The following CDH13 variants were observed in gnomAD, a reference collection of about 807,000 sequenced individuals.
The protein encoded by CDH13 is cadherin 13, also known as cadherin-13.
In CDH13, 24 loss-of-function variants were observed where a neutral mutation model predicts 63.8. The observed-to-expected ratio is 0.38, with a 90% CI of 0.27 to 0.53. The LOEUF (loss-of-function observed/expected upper bound fraction) is 0.53, where lower values mean the gene tolerates loss of function less well. CDH13 is among the 20% of genes least tolerant of loss of function. The pLI is 0.85. For missense variants in CDH13, 1,049 were observed against 903.1 expected (o/e 1.16, Z -2.07); for synonymous variants, 503 against 355.3 (o/e 1.42, Z -4.67).
In CDH13 at chr16:83,062,567, A is replaced by G. The variant is rs539963746; in HGVS notation, c.366+30349A>G. ...GGATGGAAGTTCAGTTTTCTTCTCTATGTAACAGGAAGCAAGGAAGTGATC... is the reference window on the plus strand; with the variant it reads ...GGATGGAAGTTCAGTTTTCTTCTCTGTGTAACAGGAAGCAAGGAAGTGATC... On this transcript the variant is annotated intron_variant, in intron 3 of 13. Coordinates refer to ENST00000567109, the MANE Select transcript of CDH13 (RefSeq NM_001257.5). 5.9e-5 allele frequency among the ~76,000 whole-genome samples: 9 copies of G among 152,292 alleles called. No homozygotes were observed. In the South Asian group the frequency reaches 1.9e-3, roughly 32 times the overall value.
chr16:83,164,045 G>A (rs997770182), intron 4 of CDH13, among the ~76,000 whole-genome samples: 6 of 151,978 alleles, frequency 3.9e-5, no homozygotes, highest in African/African-American at 1.2e-4. Flanking sequence ...AGACATAGTT[G>A]TTATCTGTGT....
intron 2 of CDH13, among the ~76,000 whole-genome samples, chr16:82,918,439 T>C (rs1444422502): frequency 1.3e-5 from 2 of 152,102 alleles, no homozygotes; most frequent in African/African-American, 4.8e-5. Flanking sequence ...GTCTGGTTAT[T>C]TATTTCTGTG....
intron 6 of CDH13, among the ~76,000 whole-genome samples, chr16:83,356,758 G>C (rs2091064822): frequency 6.6e-6 from 1 of 152,142 alleles, no homozygotes; most frequent in African/African-American, 2.4e-5. Context: ...TCCCTTTCAA[G>C]TATATGTCTT....
At chr16:83,400,360 C>A (rs1312119465) in intron 6 of CDH13, among the ~76,000 whole-genome samples, 1 of 152,108 alleles carries the variant, frequency 6.6e-6, no homozygotes, top group African/African-American at 2.4e-5. Flanking sequence ...CTCAGGCAGG[C>A]TTCTCAGCTC....
intron 8 of CDH13, among the ~76,000 whole-genome samples, chr16:83,654,613 C>G (rs1201948067): frequency 2.6e-5 from 4 of 151,994 alleles, no homozygotes; most frequent in Admixed American, 2.0e-4. Context: ...CATCAGAGAG[C>G]AATAAAAGAA....
At chr16:83,279,707 A>T (rs1350400452) in intron 5 of CDH13, among the ~76,000 whole-genome samples, 1 of 152,194 alleles carries the variant, frequency 6.6e-6, no homozygotes, top group African/African-American at 2.4e-5. Context: ...ACATTTCTAG[A>T]TGGATATGAG....
At chr16:83,255,059 C>A (rs1361562589) in intron 5 of CDH13, among the ~76,000 whole-genome samples, 1 of 133,532 alleles carries the variant, frequency 7.5e-6, no homozygotes, top group African/African-American at 2.8e-5. Flanking sequence ...AGCTTCTTTG[C>A]CCAAGGTGTC....
intron 2 of CDH13, among the ~76,000 whole-genome samples, chr16:82,903,754 A>G (rs559612327): frequency 1.5e-3 from 221 of 152,296 alleles, no homozygotes; most frequent in African/African-American, 5.1e-3. Flanking sequence ...GGGGCTGTAT[A>G]GTAACAAGCC....
At chr16:83,770,994 A>G (rs58277999) in intron 11 of CDH13, among the ~76,000 whole-genome samples, 2,332 of 152,192 alleles carry the variant, frequency 0.015, 74 homozygotes, top group African/African-American at 0.052. Context: ...CTGACACACT[A>G]ATGTTAGAGC....
At chr16:83,559,628 A>G (rs1317276150) in intron 7 of CDH13, among the ~76,000 whole-genome samples, 3 of 151,948 alleles carry the variant, frequency 2.0e-5, no homozygotes, top group Non-Finnish European at 2.9e-5. Flanking sequence ...AAAGAGAAAG[A>G]AAAAGAGAGA....
intron 8 of CDH13, among the ~76,000 whole-genome samples, chr16:83,667,868 G>C (rs551904425): frequency 6.6e-6 from 1 of 152,026 alleles, no homozygotes; most frequent in African/African-American, 2.4e-5. Context: ...TCACTATGTT[G>C]CCCAGGCTCA....
chr16:82,888,716 T>G (rs2040977262), intron 2 of CDH13, among the ~76,000 whole-genome samples: 5 of 152,232 alleles, frequency 3.3e-5, no homozygotes, highest in Admixed American at 3.3e-4. Flanking sequence ...TTTATTGCCT[T>G]GGACAGCAGC....
In CDH13 at chr16:83,171,938, G is replaced by A. The variant is rs117877726; in HGVS notation, c.484-45407G>A. Among the ~76,000 whole-genome samples, 1,430 of 152,196 alleles carry A rather than the reference G, an allele frequency of 9.4e-3. 22 individuals are homozygous for A. Among genetic ancestry groups the A allele is most frequent in the Non-Finnish European group, 0.012 (841 of 68,000 alleles). On this transcript the variant is annotated intron_variant, in intron 4 of 13. Coordinates refer to ENST00000567109, the MANE Select transcript of CDH13 (RefSeq NM_001257.5). ...GTTATTTAAGATTTATTGTCATCCTGCATGGTGAGATAGCTGGTGGACATT... is the reference window on the plus strand; with the variant it reads ...GTTATTTAAGATTTATTGTCATCCTACATGGTGAGATAGCTGGTGGACATT...
chr16:83,454,339 G>C lies in CDH13; in HGVS notation c.782-32138G>C, dbSNP rs150079021. ...TACACATTCCCAAATAAGCCCAAAA[G>C]AAATCAAAGTGACAGTTTGATTTAC... On this transcript the variant is annotated intron_variant, in intron 6 of 13. Transcript: ENST00000567109. Among the ~76,000 whole-genome samples, 18 of 152,296 alleles carry C rather than the reference G, an allele frequency of 1.2e-4. No individual in the cohort carries two copies. In the East Asian group the frequency reaches 3.5e-3, roughly 29 times the overall value.
chr16:83,720,428 A>C (rs1451809690), intron 10 of CDH13, among the ~76,000 whole-genome samples: 1 of 152,166 alleles, frequency 6.6e-6, no homozygotes, highest in African/African-American at 2.4e-5. Context: ...CCTACTGCAT[A>C]CCAGCATTAT....
intron 8 of CDH13, among the ~76,000 whole-genome samples, chr16:83,653,914 CAG>C (rs1180138716): frequency 1.3e-5 from 2 of 152,084 alleles, no homozygotes; most frequent in South Asian, 4.1e-4. Flanking sequence ...AATGTACAGA[CAG>C]GGGATTGAAG....
At chr16:82,731,476 C>T (rs958186037) in intron 1 of CDH13, among the ~76,000 whole-genome samples, 4 of 152,164 alleles carry the variant, frequency 2.6e-5, no homozygotes, top group African/African-American at 9.7e-5. Flanking sequence ...TATTGCCCCC[C>T]AGAACACAGG....
intron 6 of CDH13, among the ~76,000 whole-genome samples, chr16:83,428,979 C>T (rs1341810048): frequency 1.3e-5 from 2 of 152,200 alleles, no homozygotes; most frequent in Non-Finnish European, 2.9e-5. Context: ...TGTCAAGGGG[C>T]ACAAATATCT....
intron 1 of CDH13, among the ~76,000 whole-genome samples, chr16:82,814,172 T>C (rs2037589803): frequency 6.6e-6 from 1 of 152,172 alleles, no homozygotes; most frequent in Admixed American, 6.5e-5. Flanking sequence ...ATTTAGTCTG[T>C]GAACCCAGTT....
Sources: allele counts gnomAD v4.1 joint callset (sites outside exome capture counted in the v4.1 genomes callset), GRCh38; gene constraint gnomAD v4.1.1; transcripts MANE v1.5; gene names NCBI Gene and HGNC (gene_info 2026-07-23, HGNC 2026-07-21).